Variants in SPG11 observed in about 807,000 individuals in gnomAD.
The protein encoded by SPG11 is spatacsin.
Under a neutral mutation model 274.0 loss-of-function variants are expected in SPG11, and 222 were observed. The observed-to-expected ratio is 0.81, with a 90% confidence interval of 0.73 to 0.91. The LOEUF (loss-of-function observed/expected upper bound fraction) is 0.91. Ranked by LOEUF, SPG11 falls within the 40% of genes least tolerant of loss-of-function variation. SPG11 has a pLI of 0.00. For synonymous variants in SPG11, 1,144 were observed against 1,039.7 expected (o/e 1.10, Z -1.93); for missense variants, 3,114 against 2,872.7 (o/e 1.08, Z -1.92).
intron 23 of SPG11, 161 bp from the exon 24 acceptor site, chr15:44,597,104 TAGA>T: frequency 1.6e-6 from 1 of 640,008 alleles, no homozygotes; most frequent in Non-Finnish European, 2.6e-6. Flanking sequence ...TTGAAAAAAG[TAGA>T]TTCTTTTTTT....
At chr15:44,569,995 A>C (rs1165250919) in intron 34 of SPG11, among the ~76,000 whole-genome samples, 1 of 152,224 alleles carries the variant, frequency 6.6e-6, no homozygotes, top group African/African-American at 2.4e-5. Flanking sequence ...GGCGTGAGCC[A>C]CCATGAACGG....
At chr15:44,651,241 AAAT>A (rs758126199) in intron 6 of SPG11, among the ~76,000 whole-genome samples, 3 of 152,138 alleles carry the variant, frequency 2.0e-5, no homozygotes, top group African/African-American at 4.8e-5. Context: ...TTTGGGTTAA[AAAT>A]AATAATAATA....
At chr15:44,623,054 T>G (rs1194487731) in intron 11 of SPG11, among the ~76,000 whole-genome samples, 1 of 152,168 alleles carries the variant, frequency 6.6e-6, no homozygotes, top group Non-Finnish European at 1.5e-5. Flanking sequence ...CTCAAAGCGA[T>G]CCTACCAACT....
Position 44,657,213 on chromosome 15 carries a change from G to A in SPG11, c.751C>T (p.Gln251Ter). 1 of 1,614,176 alleles carries A rather than the reference G, an allele frequency of 6.2e-7. No homozygotes were observed. The highest frequency in any genetic ancestry group is 1.1e-5 in the South Asian group (1 of 91,086). ...AATGAAGAAATCTTGGCTGGCTCCTGTTGCTGCTCATTACACATGTCTTCT... is the reference window on the plus strand; with the variant it reads ...AATGAAGAAATCTTGGCTGGCTCCTATTGCTGCTCATTACACATGTCTTCT... ...HKEDMCNEQQ[Q>*]EPAKISSFTS... The change falls in exon 4 of 40, where the codon CAG becomes TAG. Residue 251 changes from glutamine (Q) to a stop codon, truncating the protein, a stop_gained. Transcript: ENST00000261866. LOFTEE classifies it high-confidence loss of function.
intron 30 of SPG11, among the ~76,000 whole-genome samples, chr15:44,582,220 T>C (rs896757398): frequency 6.6e-6 from 1 of 152,030 alleles, no homozygotes; most frequent in South Asian, 2.1e-4. Context: ...TTCTAACTCA[T>C]GAAACCAACA....
intron 28 of SPG11, among the ~76,000 whole-genome samples, chr15:44,588,369 A>G (rs1407646680): frequency 6.6e-6 from 1 of 151,902 alleles, no homozygotes; most frequent in African/African-American, 2.4e-5. Context: ...TTTCTGAAAT[A>G]GGGTTTGTGA....
intron 25 of SPG11, among the ~76,000 whole-genome samples, chr15:44,595,842 C>T (rs1449986955): frequency 6.6e-6 from 1 of 152,202 alleles, no homozygotes; most frequent in East Asian, 1.9e-4. Context: ...TTCTCTGTGA[C>T]TGCCAACCAG....
chr15:44,650,654 G>A (rs1309035262), intron 6 of SPG11, among the ~76,000 whole-genome samples: 4 of 150,818 alleles, frequency 2.7e-5, no homozygotes, highest in Non-Finnish European at 5.9e-5. Context: ...TTAAAAAAAA[G>A]AGAAATAAAA....
chr15:44,621,365 C>A, intron 14 of SPG11: 2 of 160,242 alleles, frequency 1.2e-5, no homozygotes, highest in Non-Finnish European at 2.7e-5. Context: ...AAACTTCAGC[C>A]ATAATAGTAA....
intron 4 of SPG11, among the ~76,000 whole-genome samples, chr15:44,654,720 C>T (rs2084886934): frequency 6.6e-6 from 1 of 151,864 alleles, no homozygotes; most frequent in Non-Finnish European, 1.5e-5. Context: ...TGGGTAATCC[C>T]AGCTACTCAG....
chr15:44,621,676 G>C (rs866660922), intron 14 of SPG11, 83 bp downstream of exon 14: 4 of 1,308,904 alleles, frequency 3.1e-6, no homozygotes, highest in Non-Finnish European at 3.3e-6. Context: ...TTCTAAAATT[G>C]AGACACATCA....
chr15:44,631,459 C>T (rs1400506657), intron 8 of SPG11, among the ~76,000 whole-genome samples: 2 of 152,118 alleles, frequency 1.3e-5, no homozygotes, highest in African/African-American at 2.4e-5. Flanking sequence ...TAGAATGTGG[C>T]AACACTTAAT....
intron 18 of SPG11, among the ~76,000 whole-genome samples, chr15:44,608,947 C>T (rs2083389920): frequency 6.6e-6 from 1 of 151,926 alleles, no homozygotes; most frequent in Non-Finnish European, 1.5e-5. Context: ...AAAATATTTA[C>T]AAACTGATAA....
At chr15:44,611,920 C>G (rs999424444) in intron 17 of SPG11, among the ~76,000 whole-genome samples, 1 of 151,160 alleles carries the variant, frequency 6.6e-6, no homozygotes, top group African/African-American at 2.4e-5. Flanking sequence ...ATTCTCCTGC[C>G]TCAGCCTCCC....
At chr15:44,661,327 T>C (rs2085099058) in intron 1 of SPG11, among the ~76,000 whole-genome samples, 1 of 152,132 alleles carries the variant, frequency 6.6e-6, no homozygotes, top group South Asian at 2.1e-4. Flanking sequence ...AAATTAAATA[T>C]TAAAACTAAA....
rs1482526173 is a variant in SPG11 at position 44,659,301 on chromosome 15, T to C, written c.445A>G (p.Ile149Val). 20 of 1,609,820 alleles carry C rather than the reference T, an allele frequency of 1.2e-5. No individual in the cohort carries two copies. Among genetic ancestry groups the C allele is most frequent in the Non-Finnish European group, 1.6e-5 (19 of 1,176,310 alleles). ...AGGATTCTCAAAGACAATAAGGAAATACCTACAAAACAAAAGGATATTATT... is the reference window on the plus strand; with the variant it reads ...AGGATTCTCAAAGACAATAAGGAAACACCTACAAAACAAAAGGATATTATT... ...QKLIDDQDIS[I>V]SLLSLRILSF... The change falls in exon 3 of 40, where the codon ATT becomes GTT. Residue 149 changes from isoleucine (I) to valine (V), a missense_variant and splice_region_variant. Transcript: ENST00000261866.
chr15:44,589,181 C>A lies in SPG11; in HGVS notation c.4906+71G>T, dbSNP rs1036134297. 1.7e-5 allele frequency: 26 copies of A among 1,503,106 alleles called. No homozygotes were observed. The Admixed American group carries it at 4.4e-4, about 25-fold the overall frequency. 93.1% of individuals were successfully genotyped at this position (1,503,106 alleles called of 1,614,324 possible). ...ACATGCATTTTAATTTCCTAACTAC[C>A]CCTCTAAAGTATTTTCAAGATTAAG... is the stretch of plus-strand genomic sequence containing the variant. On this transcript the variant is annotated intron_variant, in intron 28 of 39. Coordinates refer to ENST00000261866, the MANE Select transcript of SPG11 (RefSeq NM_025137.4).
At chr15:44,646,963 C>A (rs201724156) in intron 7 of SPG11, among the ~76,000 whole-genome samples, 1 of 151,960 alleles carries the variant, frequency 6.6e-6, no homozygotes, top group East Asian at 1.9e-4. Flanking sequence ...CAAATGTACC[C>A]CTGAACCTAA....
At chr15:44,616,075 T>G (rs937369443) in intron 15 of SPG11, among the ~76,000 whole-genome samples, 3 of 152,202 alleles carry the variant, frequency 2.0e-5, no homozygotes, top group Non-Finnish European at 2.9e-5. Flanking sequence ...ATGGAGTTTA[T>G]AGAAACATCA....
Sources: allele counts gnomAD v4.1 joint callset (sites outside exome capture counted in the v4.1 genomes callset), GRCh38; gene constraint gnomAD v4.1.1; transcripts MANE v1.5; gene names NCBI Gene and HGNC (gene_info 2026-07-23, HGNC 2026-07-21).